The following TAB2 variants were observed in gnomAD, a reference collection of about 807,000 sequenced individuals.
TAB2 encodes TGF-beta-activated kinase 1 and MAP3K7-binding protein 2.
TAB2 carries 3 observed loss-of-function variants against 65.0 expected under a neutral mutation model. The ratio of observed to expected loss-of-function variants is 0.05; its 90% CI spans 0.02 to 0.12. The LOEUF (loss-of-function observed/expected upper bound fraction) is 0.12, where lower values mean the gene tolerates loss of function less well. Ranked by LOEUF, TAB2 falls within the 10% of genes least tolerant of loss-of-function variation. The probability of loss-of-function intolerance (pLI) is 1.00; values close to 1 mark genes in which losing one functional copy is unlikely to be tolerated. For missense variants in TAB2, 623 were observed against 840.3 expected, an observed-to-expected ratio of 0.74 and a Z score of 3.20; for synonymous variants, 298 against 285.1, an observed-to-expected ratio of 1.05 and a Z score of -0.46.
chr6:149,303,929 A>G (rs921632755), intron 1 of TAB2, among the ~76,000 whole-genome samples: 1 of 152,246 alleles, frequency 6.6e-6, no homozygotes, highest in Admixed American at 6.5e-5. Context: ...CTGAAGGTTC[A>G]AAAGATGAAA....
At chr6:149,314,892 C>G (rs576422401), upstream of TAB2, among the ~76,000 whole-genome samples, 1 of 146,564 alleles carries the variant, frequency 6.8e-6, no homozygotes, top group South Asian at 2.2e-4. Context: ...CCTGTAGTGA[C>G]TACACAGAGC....
At chr6:149,368,914 T>C (rs150936523) in intron 1 of TAB2, among the ~76,000 whole-genome samples, 148 of 152,300 alleles carry the variant, frequency 9.7e-4, no homozygotes, top group African/African-American at 3.4e-3. Context: ...TCTACTCTTA[T>C]GCTGAAGACT....
At chr6:149,367,579 G>A (rs960808724) in intron 1 of TAB2, among the ~76,000 whole-genome samples, 2 of 152,104 alleles carry the variant, frequency 1.3e-5, no homozygotes, top group South Asian at 2.1e-4. Context: ...AGATCACGCC[G>A]CTCAGTAAAG....
rs1257773326 is a variant in TAB2, at chr6:149,397,727, G to A, written c.1727G>A (p.Arg576His). The change falls in exon 4 of 7, where the codon CGC becomes CAC. Residue 576 changes from arginine to histidine, a missense_variant. Coordinates refer to ENST00000637181, the MANE Select transcript of TAB2 (RefSeq NM_001292034.3). Reference protein sequence around the residue: ...NEMENNLTRRRLKRSNSISQI... With the variant: ...NEMENNLTRRHLKRSNSISQI... ...ATGGAAAATAATCTAACTCGAAGGC[G>A]CCTGAAAAGATCAAATTCTATATCC... 6 of 1,613,854 alleles carry A rather than the reference G, an allele frequency of 3.7e-6. No individual in the cohort carries two copies. The highest frequency in any genetic ancestry group is 5.1e-6 in the Non-Finnish European group (6 of 1,180,004).
chr6:149,318,188 G>A (rs549774161), intron 1 of TAB2, among the ~76,000 whole-genome samples, 173 bp downstream of exon 1: 3 of 152,172 alleles, frequency 2.0e-5, no homozygotes, highest in African/African-American at 7.2e-5. Context: ...CCCCAGTGGC[G>A]TGGCGGAGAG....
intron 1 of TAB2, among the ~76,000 whole-genome samples, chr6:149,300,088 A>G (rs910747924): frequency 5.9e-5 from 9 of 152,172 alleles, no homozygotes; most frequent in Non-Finnish European, 1.3e-4. Flanking sequence ...CTATTTTTGA[A>G]GAATTTTTGT....
chr6:149,339,941 A>G (rs988570442), intron 1 of TAB2, among the ~76,000 whole-genome samples: 2 of 152,146 alleles, frequency 1.3e-5, no homozygotes, highest in African/African-American at 4.8e-5. Flanking sequence ...TTTACTGTAT[A>G]TAAATGTAGG....
intron 1 of TAB2, among the ~76,000 whole-genome samples, chr6:149,365,191 T>C (rs1029086141): frequency 2.0e-5 from 3 of 152,214 alleles, no homozygotes; most frequent in Non-Finnish European, 4.4e-5. Flanking sequence ...ATTTTGCATC[T>C]TAACATAGGA....
Position 149,242,845 on chromosome 6 carries a change from G to A in TAB2, c.-121+24069G>A, listed in dbSNP as rs144460573. On this transcript the variant is annotated intron_variant, in intron 1 of 1. Coordinates refer to the TAB2 transcript ENST00000606202. ...GATGCCCAGCCCCTGGTCACACCACGCAAAGATGGCAGGCCTCACAGGTCT... is the reference window on the plus strand; with the variant it reads ...GATGCCCAGCCCCTGGTCACACCACACAAAGATGGCAGGCCTCACAGGTCT... Among the ~76,000 whole-genome samples the A allele has an allele frequency of 2.1e-3, 316 of 152,250 alleles. 1 individual carries two copies. Among genetic ancestry groups the A allele is most frequent in the Middle Eastern group, 0.014 (4 of 294 alleles).
chr6:149,330,758 T>C (rs969091620), intron 1 of TAB2, among the ~76,000 whole-genome samples: 12 of 152,188 alleles, frequency 7.9e-5, no homozygotes, highest in African/African-American at 2.9e-4. Context: ...CAGGGTCTTT[T>C]GCAGAGCAAA....
chr6:149,249,737 C>A (rs1015853195), intron 1 of TAB2, among the ~76,000 whole-genome samples: 13 of 152,148 alleles, frequency 8.5e-5, no homozygotes, highest in African/African-American at 3.1e-4. Flanking sequence ...TGTGCAGATG[C>A]GTCTCCTGCC....
chr6:149,301,482 A>G (rs1778972137), intron 1 of TAB2, among the ~76,000 whole-genome samples: 2 of 152,234 alleles, frequency 1.3e-5, no homozygotes, highest in African/African-American at 4.8e-5. Context: ...GGCCAGCAGG[A>G]AGTTAATAAG....
intron 1 of TAB2, chr6:149,253,062 A>C (rs1292476460): frequency 6.6e-6 from 1 of 152,264 alleles, no homozygotes; most frequent in African/African-American, 2.4e-5. Context: ...TTTGTTTCAC[A>C]GAAATGGATT....
intron 1 of TAB2, among the ~76,000 whole-genome samples, chr6:149,266,052 C>G (rs559049071): frequency 1.3e-5 from 2 of 152,266 alleles, no homozygotes; most frequent in South Asian, 4.1e-4. Context: ...TAATGTTATG[C>G]CCTCAAATTA....
chr6:149,345,990 T>C (rs1309803732), intron 1 of TAB2, among the ~76,000 whole-genome samples: 10 of 152,224 alleles, frequency 6.6e-5, no homozygotes, highest in Admixed American at 6.5e-4. Flanking sequence ...TTATTCCTCC[T>C]AGATGGCCAT....
intron 1 of TAB2, among the ~76,000 whole-genome samples, chr6:149,327,019 T>C (rs1359013566): frequency 6.6e-6 from 1 of 152,224 alleles, no homozygotes; most frequent in Non-Finnish European, 1.5e-5. Flanking sequence ...GTTTATCTTA[T>C]GTTCAGCAAA....
At chr6:149,324,531 T>G (rs1779542638) in intron 1 of TAB2, among the ~76,000 whole-genome samples, 1 of 152,208 alleles carries the variant, frequency 6.6e-6, no homozygotes, top group Non-Finnish European at 1.5e-5. Flanking sequence ...ATCACAAGTT[T>G]GCTTCCTGTC....
intron 3 of TAB2, 148 bp downstream of exon 3, chr6:149,379,666 T>A: frequency 1.8e-6 from 1 of 546,148 alleles, no homozygotes; most frequent in Non-Finnish European, 3.0e-6. Context: ...GAGAGTATTA[T>A]ATGTATATAC....
upstream of TAB2, among the ~76,000 whole-genome samples, chr6:149,313,585 G>T (rs191020337): frequency 8.5e-5 from 13 of 152,260 alleles, no homozygotes; most frequent in Admixed American, 4.6e-4. Context: ...TTCACCTGCT[G>T]GTCATATCCA....
Sources: allele counts gnomAD v4.1 joint callset (sites outside exome capture counted in the v4.1 genomes callset), GRCh38; gene constraint gnomAD v4.1.1; transcripts MANE v1.5; gene names NCBI Gene and HGNC (gene_info 2026-07-23, HGNC 2026-07-21).